CNTNAP2: variants seen among roughly 807,000 people sequenced by gnomAD.
CNTNAP2 encodes contactin-associated protein-like 2.
A neutral mutation model predicts 155.2 loss-of-function variants in CNTNAP2; 98 were observed. The observed-to-expected ratio is 0.63, with a 90% CI of 0.54 to 0.75. The LOEUF is 0.75. CNTNAP2 is among the 30% of genes least tolerant of loss of function. The pLI, the probability that CNTNAP2 is intolerant of heterozygous loss-of-function variation, is 0.00. For synonymous variants in CNTNAP2, 651 were observed against 631.2 expected, an observed-to-expected ratio of 1.03 and a Z score of -0.47; for missense variants, 1,727 against 1,688.1, an observed-to-expected ratio of 1.02 and a Z score of -0.40.
chr7:147,663,953 A>G (rs865903277), intron 13 of CNTNAP2, among the ~76,000 whole-genome samples: 1 of 152,216 alleles, frequency 6.6e-6, no homozygotes, highest in East Asian at 1.9e-4. Context: ...TACTTTGTGT[A>G]AGTCACTTTG....
chr7:148,382,018 G>A (rs1485226069), intron 21 of CNTNAP2, among the ~76,000 whole-genome samples: 1 of 152,214 alleles, frequency 6.6e-6, no homozygotes, highest in Non-Finnish European at 1.5e-5. Context: ...TGCCTTACAG[G>A]AAAGAAACAA....
intron 15 of CNTNAP2, among the ~76,000 whole-genome samples, chr7:148,099,841 T>G (rs1401970231): frequency 1.3e-5 from 2 of 149,704 alleles, no homozygotes; most frequent in Non-Finnish European, 3.0e-5. Flanking sequence ...GAGCTCCTCC[T>G]TGCTCCTCCC....
intron 1 of CNTNAP2, among the ~76,000 whole-genome samples, chr7:146,475,013 G>GCGCACACACACACA (rs71525954): frequency 6.9e-6 from 1 of 144,382 alleles, no homozygotes; most frequent in African/African-American, 2.6e-5. Flanking sequence ...GCGCGCGCGC[G>GCGCACACACACACA]CACACACACA....
chr7:146,451,836 A>G (rs1434339841), intron 1 of CNTNAP2, among the ~76,000 whole-genome samples: 4 of 64,296 alleles, frequency 6.2e-5, no homozygotes, highest in Non-Finnish European at 1.0e-4. Flanking sequence ...ATATATATAC[A>G]TATATATATA....
At chr7:147,923,539 C>T (rs980404491) in intron 14 of CNTNAP2, among the ~76,000 whole-genome samples, 1 of 152,060 alleles carries the variant, frequency 6.6e-6, no homozygotes, top group Non-Finnish European at 1.5e-5. Flanking sequence ...TTAGAGGTGG[C>T]ATCTCGGTCT....
chr7:146,527,022 G>A (rs938591191), intron 1 of CNTNAP2, among the ~76,000 whole-genome samples: 9 of 151,782 alleles, frequency 5.9e-5, no homozygotes, highest in African/African-American at 2.2e-4. Context: ...CCAAAGTGCT[G>A]GGATTACAGG....
At chr7:146,735,591 T>C (rs753491443) in intron 1 of CNTNAP2, among the ~76,000 whole-genome samples, 7 of 146,660 alleles carry the variant, frequency 4.8e-5, no homozygotes, top group Non-Finnish European at 7.4e-5. Flanking sequence ...AACATGTATA[T>C]ATAAATGTAT....
chr7:147,468,448 T>C (rs4725729), intron 10 of CNTNAP2, among the ~76,000 whole-genome samples: 3 of 151,728 alleles, frequency 2.0e-5, no homozygotes, highest in African/African-American at 7.3e-5. Flanking sequence ...CTTTTCTAAG[T>C]GTTGTATCTA....
chr7:146,304,140 C>CT (rs924683721), intron 1 of CNTNAP2, among the ~76,000 whole-genome samples: 17 of 149,316 alleles, frequency 1.1e-4, no homozygotes, highest in South Asian at 2.1e-4. Context: ...TCCTCTGTCC[C>CT]TTTTTTTTGA....
intron 13 of CNTNAP2, among the ~76,000 whole-genome samples, chr7:147,802,453 G>A (rs1451946153): frequency 6.6e-6 from 1 of 152,102 alleles, no homozygotes; most frequent in African/African-American, 2.4e-5. Context: ...GTAGCGAGCC[G>A]AGATCAGGCC....
intron 1 of CNTNAP2, among the ~76,000 whole-genome samples, chr7:146,675,010 T>C (rs1398320697): frequency 2.6e-5 from 4 of 152,206 alleles, no homozygotes; most frequent in Non-Finnish European, 4.4e-5. Context: ...ATACTCCTTA[T>C]GCTAAAGTGG....
intron 21 of CNTNAP2, among the ~76,000 whole-genome samples, chr7:148,344,920 A>G (rs142096074): frequency 6.6e-6 from 1 of 152,358 alleles, no homozygotes; most frequent in African/African-American, 2.4e-5. Flanking sequence ...AGGAGACCTA[A>G]GAGGGCAGCA....
chr7:146,161,861 A>G (rs534946550), intron 1 of CNTNAP2, among the ~76,000 whole-genome samples: 3 of 152,322 alleles, frequency 2.0e-5, no homozygotes, highest in Admixed American at 2.0e-4. Flanking sequence ...AATACCACAC[A>G]TCTACAACCA....
At chr7:146,496,076 T>G (rs1221967712) in intron 1 of CNTNAP2, among the ~76,000 whole-genome samples, 1 of 152,120 alleles carries the variant, frequency 6.6e-6, no homozygotes, top group Non-Finnish European at 1.5e-5. Context: ...AATGCTCTGT[T>G]GAATGGGACC....
intron 1 of CNTNAP2, among the ~76,000 whole-genome samples, chr7:146,122,108 G>A (rs746776622): frequency 2.0e-5 from 3 of 152,036 alleles, no homozygotes; most frequent in East Asian, 1.9e-4. Flanking sequence ...CAGTTCATTC[G>A]TTCCTTCCTA....
At chr7:147,189,357 A>G (rs1047384813) in intron 8 of CNTNAP2, among the ~76,000 whole-genome samples, 6 of 152,164 alleles carry the variant, frequency 3.9e-5, no homozygotes, top group African/African-American at 1.4e-4. Flanking sequence ...AGTACTTTCT[A>G]ACTGATATAT....
chr7:148,336,705 A>G (rs1331401682), intron 21 of CNTNAP2, among the ~76,000 whole-genome samples: 1 of 152,230 alleles, frequency 6.6e-6, no homozygotes, highest in South Asian at 2.1e-4. Context: ...TATCAAAAAT[A>G]GACACATTCC....
At chr7:147,895,263 C>T (rs973646092) in intron 13 of CNTNAP2, among the ~76,000 whole-genome samples, 5 of 151,952 alleles carry the variant, frequency 3.3e-5, no homozygotes, top group Admixed American at 2.0e-4. Context: ...CGTGAGCCAC[C>T]GCGCCCAGCT....
Position 146,880,660 on chromosome 7 carries a change from C to G in CNTNAP2, c.402+40756C>G, listed in dbSNP as rs1477319073. Among the ~76,000 whole-genome samples, 4 of 152,102 alleles carry G rather than the reference C, an allele frequency of 2.6e-5. No individual in the cohort carries two copies. The East Asian group carries it at 7.7e-4, about 29-fold the overall frequency. ...CTAAACCATTTAAGGAGTATATTTT[C>G]TAATACTTTGATGACAATTAGGTGT... is the stretch of plus-strand genomic sequence containing the variant. On this transcript the variant is annotated intron_variant, in intron 3 of 23. Coordinates refer to ENST00000361727, the MANE Select transcript of CNTNAP2 (RefSeq NM_014141.6).
Sources: allele counts gnomAD v4.1 joint callset (sites outside exome capture counted in the v4.1 genomes callset), GRCh38; gene constraint gnomAD v4.1.1; transcripts MANE v1.5; gene names NCBI Gene and HGNC (gene_info 2026-07-23, HGNC 2026-07-21).